The following PTPRT variants were observed in gnomAD, a reference collection of about 807,000 sequenced individuals.
PTPRT encodes receptor-type tyrosine-protein phosphatase T.
PTPRT carries 56 observed loss-of-function variants against 176.8 expected under a neutral mutation model. That is an observed-to-expected ratio of 0.32 (90% confidence interval 0.26 to 0.40). PTPRT has a LOEUF of 0.40. PTPRT is among the 10% of genes least tolerant of loss of function. The probability of loss-of-function intolerance (pLI) is 1.00; values close to 1 mark genes in which losing one functional copy is unlikely to be tolerated. For synonymous variants in PTPRT, 783 were observed against 739.0 expected (o/e 1.06, Z -0.96); for missense variants, 1,540 against 1,908.2 (o/e 0.81, Z 3.60).
intron 7 of PTPRT, among the ~76,000 whole-genome samples, chr20:42,578,904 G>T (rs1325200681): frequency 2.0e-5 from 3 of 147,114 alleles, no homozygotes; most frequent in Non-Finnish European, 4.6e-5. Flanking sequence ...TTTTTTTTTG[G>T]GGGGGGGTCG....
At chr20:42,158,267 C>G (rs1186488856) in intron 17 of PTPRT, among the ~76,000 whole-genome samples, 1 of 152,150 alleles carries the variant, frequency 6.6e-6, no homozygotes, top group East Asian at 1.9e-4. Flanking sequence ...ATACAAGCTT[C>G]AGAAGGGCAA....
At chr20:42,532,641 T>C (rs796801474) in intron 7 of PTPRT, among the ~76,000 whole-genome samples, 2 of 152,296 alleles carry the variant, frequency 1.3e-5, no homozygotes, top group African/African-American at 2.4e-5. Flanking sequence ...TTCCTGGTCT[T>C]GTGTAGTACT....
intron 12 of PTPRT, among the ~76,000 whole-genome samples, chr20:42,286,259 C>T (rs568145738): frequency 1.1e-4 from 16 of 151,766 alleles, no homozygotes; most frequent in Middle Eastern, 3.4e-3. Context: ...CTCAAAAGAC[C>T]GCAAATAGCC....
chr20:42,827,966 C>G (rs1392474299), intron 2 of PTPRT, among the ~76,000 whole-genome samples: 1 of 152,132 alleles, frequency 6.6e-6, no homozygotes, highest in Non-Finnish European at 1.5e-5. Flanking sequence ...TGGACTAATA[C>G]AGTAATTTGA....
At chr20:42,876,748 G>A (rs208198) in intron 2 of PTPRT, among the ~76,000 whole-genome samples, 41,391 of 151,990 alleles carry the variant, frequency 0.27, 5,676 homozygotes, top group African/African-American at 0.32. Context: ...TTAAATAACC[G>A]CCTTCCTTAT....
At chr20:42,422,163 G>A (rs893784304) in intron 9 of PTPRT, among the ~76,000 whole-genome samples, 1 of 152,206 alleles carries the variant, frequency 6.6e-6, no homozygotes, top group Non-Finnish European at 1.5e-5. Context: ...TCATTATGAA[G>A]ATGCCAAAAG....
chr20:42,672,066 C>G (rs1188828683), intron 7 of PTPRT, among the ~76,000 whole-genome samples: 1 of 152,328 alleles, frequency 6.6e-6, no homozygotes, highest in Non-Finnish European at 1.5e-5. Flanking sequence ...AAAATTGTTT[C>G]ACCACTGTGA....
At chr20:42,286,770 T>C (rs6016737) in intron 12 of PTPRT, among the ~76,000 whole-genome samples, 75,774 of 151,726 alleles carry the variant, frequency 0.5, 19,020 homozygotes, top group African/African-American at 0.57. Flanking sequence ...TAAAAAATTA[T>C]GTACAGAAAA....
intron 17 of PTPRT, among the ~76,000 whole-genome samples, chr20:42,146,094 T>C (rs1216137308): frequency 1.3e-5 from 2 of 152,218 alleles, no homozygotes; most frequent in African/African-American, 4.8e-5. Flanking sequence ...AAGATGCTTC[T>C]AGCTACTGCA....
Position 42,633,974 on chromosome 20 carries a change from T to TATATATATA in PTPRT, c.1153+43891_1153+43892insTATATATAT, listed in dbSNP as rs1569037808. Among the ~76,000 whole-genome samples the TATATATATA allele has an allele frequency of 2.7e-3, 88 of 32,372 alleles. 9 individuals are homozygous for TATATATATA. The highest frequency in any genetic ancestry group is 0.016 in the African/African-American group (85 of 5,264). 21.2% of individuals were successfully genotyped at this position (32,372 alleles called of 152,430 possible). ...TATAATTATATATAATATATTATAA[T>TATATATATA]ATATTATATATTATATTATATATAT... is the stretch of plus-strand genomic sequence containing the variant. On this transcript the variant is annotated intron_variant, in intron 7 of 30. Coordinates refer to ENST00000373187, the MANE Select transcript of PTPRT (RefSeq NM_007050.6).
Position 42,375,779 on chromosome 20 carries a change from T to C in PTPRT, c.1561-23494A>G, listed in dbSNP as rs78464782. Among the ~76,000 whole-genome samples, 586 of 152,250 alleles carry C rather than the reference T, an allele frequency of 3.8e-3. 4 individuals carry two copies. Among genetic ancestry groups the C allele is most frequent in the Non-Finnish European group, 4.7e-3 (317 of 68,016 alleles). On this transcript the variant is annotated intron_variant, in intron 9 of 30. Transcript: ENST00000373187. ...AAAAGGAAGTGAATGATAGATGCTA[T>C]GAAGAAAAGCAGGGTGAAGGCTTAT... is the stretch of plus-strand genomic sequence containing the variant.
In PTPRT at chr20:42,979,590, G is replaced by A. The variant is rs1043569703; in HGVS notation, c.89-93658C>T. Among the ~76,000 whole-genome samples, 6 of 152,202 alleles carry A rather than the reference G, an allele frequency of 3.9e-5. No homozygotes were observed. In the East Asian group the frequency reaches 1.2e-3, roughly 29 times the overall value. On this transcript the variant is annotated intron_variant, in intron 1 of 30. Transcript: ENST00000373187. ...TTAAGGTTTGAAAAAAAAAGGAGAA[G>A]TAAATCTATCTGAGAGGACACATTC...
the PTPRT span, among the ~76,000 whole-genome samples, chr20:42,040,733 C>A: frequency 6.6e-6 from 1 of 152,186 alleles, no homozygotes; most frequent in Non-Finnish European, 1.5e-5. Context: ...GACATAAATA[C>A]ATCAACAAAG....
At chr20:42,925,998 C>T (rs1411060658) in intron 1 of PTPRT, among the ~76,000 whole-genome samples, 1 of 152,218 alleles carries the variant, frequency 6.6e-6, no homozygotes, top group Non-Finnish European at 1.5e-5. Flanking sequence ...GAAGCCCCCT[C>T]TAAGAGGGGC....
At chr20:42,903,077 T>C (rs1344377797) in intron 1 of PTPRT, among the ~76,000 whole-genome samples, 1 of 152,198 alleles carries the variant, frequency 6.6e-6, no homozygotes, top group Non-Finnish European at 1.5e-5. Context: ...TGACATGACA[T>C]AATGCCTTGA....
chr20:42,696,050 T>G (rs1279629949), intron 6 of PTPRT, among the ~76,000 whole-genome samples: 1 of 152,078 alleles, frequency 6.6e-6, no homozygotes, highest in Admixed American at 6.5e-5. Context: ...TGTGATAATA[T>G]TTCTGAGATT....
intron 1 of PTPRT, among the ~76,000 whole-genome samples, chr20:42,943,353 C>T (rs1054121867): frequency 6.6e-6 from 1 of 152,172 alleles, no homozygotes; most frequent in Non-Finnish European, 1.5e-5. Flanking sequence ...TGGGGATTGG[C>T]TTGTGAAGGG....
chr20:42,131,621 T>C (rs1475837924), intron 18 of PTPRT, among the ~76,000 whole-genome samples: 1 of 152,246 alleles, frequency 6.6e-6, no homozygotes, highest in Non-Finnish European at 1.5e-5. Context: ...TGACAACGTC[T>C]CTCCTTCATT....
chr20:42,038,375 C>T, the PTPRT span, among the ~76,000 whole-genome samples: 1 of 152,150 alleles, frequency 6.6e-6, no homozygotes, highest in Non-Finnish European at 1.5e-5. Flanking sequence ...ACTGTTAAGA[C>T]TTCCAAGAGA....
Sources: allele counts gnomAD v4.1 joint callset (sites outside exome capture counted in the v4.1 genomes callset), GRCh38; gene constraint gnomAD v4.1.1; transcripts MANE v1.5; gene names NCBI Gene and HGNC (gene_info 2026-07-23, HGNC 2026-07-21).